ZNF676: variants seen among roughly 807,000 people sequenced by gnomAD.
ZNF676 encodes zinc finger protein 676.
Under a neutral mutation model 6.0 loss-of-function variants are expected in ZNF676, and 4 were observed. The observed-to-expected ratio is 0.67, with a 90% CI of 0.33 to 1.53. ZNF676 has a LOEUF of 1.53. Among genes scored for constraint, ZNF676 ranks in the 40% most tolerant of loss-of-function variants. The pLI is 0.06. For missense variants in ZNF676, 644 were observed against 679.7 expected (o/e 0.95, Z 0.58); for synonymous variants, 198 against 223.1 (o/e 0.89, Z 1.00).
the ZNF676 span, among the ~76,000 whole-genome samples, chr19:22,232,887 A>C: frequency 6.6e-6 from 1 of 152,176 alleles, no homozygotes; most frequent in Non-Finnish European, 1.5e-5. Flanking sequence ...GATTTAATGC[A>C]ATGTTCTTTA....
chr19:22,234,587 G>A, the ZNF676 span, among the ~76,000 whole-genome samples: 2 of 152,118 alleles, frequency 1.3e-5, no homozygotes, highest in African/African-American at 4.8e-5. Flanking sequence ...GCCAAGAGTT[G>A]TCTCTCAAAA....
chr19:22,216,435 C>T (rs1411318762), upstream of ZNF676, among the ~76,000 whole-genome samples: 1 of 150,380 alleles, frequency 6.6e-6, no homozygotes, highest in East Asian at 1.9e-4. Flanking sequence ...AACGCCAGCT[C>T]AAAAACATGG....
chr19:22,243,005 G>A, the ZNF676 span, among the ~76,000 whole-genome samples: 1 of 151,904 alleles, frequency 6.6e-6, no homozygotes, highest in Non-Finnish European at 1.5e-5. Context: ...GTAACAGGCA[G>A]AAGTATCTCA....
the ZNF676 span, among the ~76,000 whole-genome samples, chr19:22,238,326 C>T: frequency 1.4e-4 from 21 of 152,286 alleles, no homozygotes; most frequent in East Asian, 1.4e-3. Flanking sequence ...GCTGGGATTA[C>T]AGGTGTGAGC....
At chr19:22,216,428 G>A (rs1027359836), upstream of ZNF676, among the ~76,000 whole-genome samples, 2 of 150,266 alleles carry the variant, frequency 1.3e-5, no homozygotes, top group African/African-American at 4.8e-5. Context: ...AGAGTGAAAC[G>A]CCAGCTCAAA....
In ZNF676 at chr19:22,180,304, A is replaced by G; in HGVS notation, c.1413T>C (p.His471=). 6.2e-7 allele frequency: 1 copy of G among 1,612,730 alleles called. No homozygotes were observed. The highest frequency in any genetic ancestry group is 8.5e-7 in the Non-Finnish European group (1 of 1,178,806). The change falls in exon 3 of 3, where the codon CAT becomes CAC. Residue 471 remains histidine (H), a synonymous_variant. Coordinates refer to ENST00000397121, the MANE Select transcript of ZNF676 (RefSeq NM_001001411.3). Reference sequence around the variant, plus strand: ...CACATTTGTAAGGTTTCTCTGCAGCATGAATTCTCTTGTGTTTAGTAAAGC... The same window carrying G: ...CACATTTGTAAGGTTTCTCTGCAGCGTGAATTCTCTTGTGTTTAGTAAAGC... ...SSSFTKHKRI[H]AAEKPYKCEE...
chr19:22,226,675 C>G, the ZNF676 span, among the ~76,000 whole-genome samples: 5 of 151,106 alleles, frequency 3.3e-5, no homozygotes, highest in African/African-American at 1.2e-4. Flanking sequence ...CAATTCAACA[C>G]AACCTCCACC....
At chr19:22,258,033 C>A in the ZNF676 span, among the ~76,000 whole-genome samples, 1 of 152,126 alleles carries the variant, frequency 6.6e-6, no homozygotes, top group Non-Finnish European at 1.5e-5. Context: ...CTGGCCACAT[C>A]AGCCATCAAC....
chr19:22,212,359 A>C (rs1183130662), intron 1 of ZNF676, among the ~76,000 whole-genome samples: 4 of 152,024 alleles, frequency 2.6e-5, no homozygotes, highest in Admixed American at 1.3e-4. Flanking sequence ...CTTTGTAAAT[A>C]TTTTCTTACC....
chr19:22,208,060 T>C (rs2024094112), intron 1 of ZNF676, among the ~76,000 whole-genome samples: 2 of 149,608 alleles, frequency 1.3e-5, no homozygotes, highest in Admixed American at 6.7e-5. Context: ...GATTTCATGA[T>C]GAAGATATCA....
At position 22,184,826 on chromosome 19, in the gene ZNF676, GAAAAAA is replaced by G. The variant is rs144833243; in HGVS notation, c.131-3246_131-3241del. ...CCTCCTCTTTGGGCAGGGCATCTTT[GAAAAAA>G]AAAAAAAAAAAAAAAAAAAAGGCAG... On this transcript the variant is annotated intron_variant, in intron 2 of 2. Coordinates refer to ENST00000397121, the MANE Select transcript of ZNF676 (RefSeq NM_001001411.3). Among the ~76,000 whole-genome samples the G allele has an allele frequency of 1.9e-3, 102 of 52,686 alleles. 1 individual carries two copies. Among genetic ancestry groups the G allele is most frequent in the African/African-American group, 6.8e-3 (85 of 12,568 alleles). The allele number at this position is 52,686 out of a possible 152,430, so 34.6% of individuals were successfully genotyped here. A position where few individuals can be genotyped will look rare whatever the true frequency, so the allele number is the denominator to read the frequency against.
chr19:22,181,824 A>C (rs549685318), intron 2 of ZNF676, among the ~76,000 whole-genome samples: 23 of 152,306 alleles, frequency 1.5e-4, no homozygotes, highest in African/African-American at 5.3e-4. Context: ...CCCAATGCAA[A>C]GAGCCACATA....
At chr19:22,209,451 A>G (rs981278306) in intron 1 of ZNF676, among the ~76,000 whole-genome samples, 4 of 152,148 alleles carry the variant, frequency 2.6e-5, no homozygotes, top group African/African-American at 4.8e-5. Flanking sequence ...TAAGAGATAA[A>G]TAAGAACACA....
At chr19:22,193,614 A>C (rs1356160993) in intron 1 of ZNF676, among the ~76,000 whole-genome samples, 1 of 152,126 alleles carries the variant, frequency 6.6e-6, no homozygotes, top group Non-Finnish European at 1.5e-5. Flanking sequence ...GAAAGGGAAG[A>C]ATTGTCCATT....
chr19:22,192,363 A>G (rs1394478480), intron 2 of ZNF676, among the ~76,000 whole-genome samples: 1 of 152,118 alleles, frequency 6.6e-6, no homozygotes, highest in Non-Finnish European at 1.5e-5. Context: ...AAATGTTAAA[A>G]TATCATATTA....
intron 1 of ZNF676, among the ~76,000 whole-genome samples, chr19:22,207,416 T>C (rs2024086533): frequency 6.6e-6 from 1 of 152,152 alleles, no homozygotes; most frequent in South Asian, 2.1e-4. Flanking sequence ...TGACAAGAAT[T>C]ACAAAACAAT....
intron 2 of ZNF676, among the ~76,000 whole-genome samples, chr19:22,183,622 G>A (rs1350204802): frequency 1.3e-5 from 2 of 152,174 alleles, no homozygotes; most frequent in Non-Finnish European, 2.9e-5. Context: ...TTATAGGCAC[G>A]AGCCGCCATG....
the ZNF676 span, among the ~76,000 whole-genome samples, chr19:22,234,043 T>A: frequency 6.6e-6 from 1 of 152,376 alleles, no homozygotes; most frequent in East Asian, 1.9e-4. Flanking sequence ...CTAAAGCCCA[T>A]GATTCAGTAT....
chr19:22,248,606 C>G, the ZNF676 span, among the ~76,000 whole-genome samples: 2 of 152,248 alleles, frequency 1.3e-5, no homozygotes, highest in Non-Finnish European at 2.9e-5. Context: ...GGGTCTTTCA[C>G]TGGCGTCCCT....
Sources: allele counts gnomAD v4.1 joint callset (sites outside exome capture counted in the v4.1 genomes callset), GRCh38; gene constraint gnomAD v4.1.1; transcripts MANE v1.5; gene names NCBI Gene and HGNC (gene_info 2026-07-23, HGNC 2026-07-21).